SLC16A2: variants seen among roughly 807,000 people sequenced by gnomAD.
The protein encoded by SLC16A2 is solute carrier family 16 member 2.
In SLC16A2, 3 loss-of-function variants were observed where a neutral mutation model predicts 27.2. The ratio of observed to expected loss-of-function variants is 0.11; its 90% CI spans 0.05 to 0.28. The LOEUF (loss-of-function observed/expected upper bound fraction) is 0.28, where lower values mean the gene tolerates loss of function less well. SLC16A2 is among the 10% of genes least tolerant of loss of function. The pLI is 1.00. For synonymous variants in SLC16A2, 202 were observed against 187.8 expected, an observed-to-expected ratio of 1.08 and a Z score of -0.62; for missense variants, 295 against 458.5, an observed-to-expected ratio of 0.64 and a Z score of 3.26.
chrX:74,484,448 C>G (rs1191660070), intron 1 of SLC16A2, among the ~76,000 whole-genome samples: 1 of 111,783 alleles, frequency 8.9e-6, no homozygotes. Context: ...TTGTGGAGAC[C>G]AAAGTTTTAT....
rs781270942 is a variant in SLC16A2 at position 74,532,021 on chromosome X, G to A, written c.*468G>A. On this transcript the variant is annotated 3_prime_UTR_variant, in exon 6 of 6. Coordinates refer to ENST00000587091, the MANE Select transcript of SLC16A2 (RefSeq NM_006517.5). ...GGGTGGAGGGGCAGGGAGGCAAAAT[G>A]AGACAAGTAGCCTTGGTTAGTCTTA... 1.2e-4 allele frequency: 22 copies of A among 178,919 alleles called. No individual in the cohort carries two copies. Among genetic ancestry groups the A allele is most frequent in the Non-Finnish European group, 1.9e-4 (18 of 95,263 alleles). 14.7% of individuals were successfully genotyped at this position (178,919 alleles called of 1,213,427 possible). A position where few individuals can be genotyped will look rare whatever the true frequency, so the allele number is the denominator to read the frequency against.
intron 5 of SLC16A2, among the ~76,000 whole-genome samples, chrX:74,530,579 C>T (rs1369084915): frequency 8.9e-6 from 1 of 112,243 alleles, no homozygotes; most frequent in Non-Finnish European, 1.9e-5. Flanking sequence ...GCAACAGCCA[C>T]ACTACCCATT....
At chrX:74,443,470 C>T (rs1319281137) in intron 1 of SLC16A2, among the ~76,000 whole-genome samples, 1 of 111,718 alleles carries the variant, frequency 9.0e-6, no homozygotes, top group Non-Finnish European at 1.9e-5. Flanking sequence ...ATGTGTGGTG[C>T]AGAAAAAGAG....
At chrX:74,445,120 G>C (rs1215262691) in intron 1 of SLC16A2, among the ~76,000 whole-genome samples, 2 of 111,963 alleles carry the variant, frequency 1.8e-5, no homozygotes, top group African/African-American at 6.5e-5. Context: ...AAATTGAGAC[G>C]CAGAGAAGTG....
chrX:74,464,298 A>T (rs1929211466), intron 1 of SLC16A2, among the ~76,000 whole-genome samples: 1 of 112,320 alleles, frequency 8.9e-6, no homozygotes, highest in South Asian at 3.7e-4. Flanking sequence ...TCCATTTTCA[A>T]AATGTTTCCA....
At chrX:74,508,295 G>C (rs1261095285) in intron 1 of SLC16A2, among the ~76,000 whole-genome samples, 1 of 111,970 alleles carries the variant, frequency 8.9e-6, no homozygotes, top group Admixed American at 9.5e-5. Context: ...TGTATCTACA[G>C]AACAATTGGA....
In SLC16A2 at chrX:74,521,117, T is replaced by A. The variant is rs1930399390; in HGVS notation, c.558T>A (p.His186Gln). 1 of 1,210,488 alleles carries A rather than the reference T, an allele frequency of 8.3e-7. No individual in the cohort carries two copies. Among genetic ancestry groups the A allele is most frequent in the Admixed American group, 2.2e-5 (1 of 45,845 alleles). The stretch of plus-strand genomic sequence containing the variant: ...CTGCCGTTGCTTTCATTGGCCTCCA[T>A]ACCAGCTCCTTCACCAGGTAAGGCT... ...AGAAVAFIGLHTSSFTSSLSL... is the reference protein window; with the variant it reads ...AGAAVAFIGLQTSSFTSSLSL... Residue 186 changes from histidine to glutamine, a missense_variant, in exon 2 of 6, where the codon CAT (histidine) becomes CAA (glutamine). His to Gln is a conservative substitution (Grantham distance 24). This residue lies in a region of SLC16A2 where 59 missense variants were observed against 153.6 expected (regional missense o/e 0.38). Transcript: ENST00000587091.
At chrX:74,456,796 G>A (rs944797957) in intron 1 of SLC16A2, among the ~76,000 whole-genome samples, 3 of 111,670 alleles carry the variant, frequency 2.7e-5, no homozygotes, top group African/African-American at 9.8e-5. Flanking sequence ...AAGCCACCGG[G>A]TCCCTTCTGT....
intron 1 of SLC16A2, among the ~76,000 whole-genome samples, chrX:74,512,405 G>T (rs765855538): frequency 1.8e-5 from 2 of 112,252 alleles, no homozygotes; most frequent in African/African-American, 6.5e-5. Context: ...TGTGCATCTT[G>T]TCAGGAAGTA....
intron 1 of SLC16A2, among the ~76,000 whole-genome samples, chrX:74,444,979 C>A (rs1285502413): frequency 1.8e-5 from 2 of 112,110 alleles, no homozygotes; most frequent in Non-Finnish European, 3.8e-5. Context: ...CTTTTCTGCA[C>A]AGAAAGACCT....
chrX:74,505,186 C>A (rs1201722634), intron 1 of SLC16A2, among the ~76,000 whole-genome samples: 1 of 111,604 alleles, frequency 9.0e-6, no homozygotes, highest in African/African-American at 3.3e-5. Flanking sequence ...TATCCTAGAA[C>A]CTTCCTGTAG....
Position 74,529,327 on chromosome X carries a change from A to G in SLC16A2, c.1285A>G (p.Thr429Ala). ...FLGLCDGFFITIMAPIAFELV... is the reference protein window; with the variant it reads ...FLGLCDGFFIAIMAPIAFELV... ...GGGCCTTTGCGATGGCTTCTTCATC[A>G]CCATCATGGCCCCCATTGCATTTGA... The change falls in exon 5 of 6, where the codon ACC becomes GCC. Residue 429 changes from threonine (T) to alanine (A), a missense_variant. Around this residue, in one of 3 missense-constraint regions of SLC16A2, gnomAD observed 144 missense variants for 219.8 expected, o/e 0.66. Coordinates refer to ENST00000587091, the MANE Select transcript of SLC16A2 (RefSeq NM_006517.5). 1 of 1,209,239 alleles carries G rather than the reference A, an allele frequency of 8.3e-7. No individual in the cohort carries two copies.
intron 1 of SLC16A2, among the ~76,000 whole-genome samples, chrX:74,512,630 CAGAG>C (rs1930252097): frequency 8.9e-6 from 1 of 112,325 alleles, no homozygotes; most frequent in Non-Finnish European, 1.9e-5. Context: ...TCTTTCAACT[CAGAG>C]AGGTTGGCTT....
chrX:74,524,888 G>C, intron 3 of SLC16A2, 79 bp downstream of exon 3: 1 of 903,290 alleles, frequency 1.1e-6, no homozygotes, highest in Non-Finnish European at 1.6e-6. Context: ...AGAGGGTGGG[G>C]GTGGGAGACA....
At chrX:74,435,317 G>A (rs72630714) in intron 1 of SLC16A2, among the ~76,000 whole-genome samples, 9,795 of 108,468 alleles carry the variant, frequency 0.09, 1,216 homozygotes, top group East Asian at 0.86. Flanking sequence ...ACTGTATAGA[G>A]ATTCATATTC....
intron 1 of SLC16A2, among the ~76,000 whole-genome samples, chrX:74,502,243 TTCA>T (rs1265864386): frequency 8.9e-6 from 1 of 111,969 alleles, no homozygotes; most frequent in East Asian, 2.8e-4. Context: ...GCGTATGTGA[TTCA>T]GTCTTATCTC....
chrX:74,504,562 T>C (rs1022763091), intron 1 of SLC16A2, among the ~76,000 whole-genome samples: 3 of 112,110 alleles, frequency 2.7e-5, no homozygotes, highest in African/African-American at 9.7e-5. Context: ...TATATTTAAG[T>C]CATACAAGCC....
chrX:74,533,463 T>C lies in SLC16A2; in HGVS notation c.*1910T>C, dbSNP rs777032194. ...GAGAATCTGGGCCCTAGGAGCCCTG[T>C]AACTCCCAGGAGAGACCACTGAAAA... On this transcript the variant is annotated 3_prime_UTR_variant, in exon 6 of 6. Transcript: ENST00000587091. The C allele has an allele frequency of 5.3e-5, 6 of 112,301 alleles. No individual in the cohort carries two copies. The highest frequency in any genetic ancestry group is 7.5e-5 in the Non-Finnish European group (4 of 53,175). The allele number at this position is 112,301 out of a possible 1,213,427, so 9.3% of individuals were successfully genotyped here.
intron 4 of SLC16A2, among the ~76,000 whole-genome samples, chrX:74,526,226 C>T (rs150205528): frequency 0.032 from 3,530 of 111,971 alleles, 83 homozygotes; most frequent in Non-Finnish European, 0.052. Context: ...GGCCACTGTT[C>T]AGGCTGTCAG....
Sources: allele counts gnomAD v4.1 joint callset (sites outside exome capture counted in the v4.1 genomes callset), GRCh38; gene constraint gnomAD v4.1.1; regional missense constraint gnomAD v4.1.1; transcripts MANE v1.5; gene names NCBI Gene and HGNC (gene_info 2026-07-23, HGNC 2026-07-21).